VAX1: variants seen among roughly 807,000 people sequenced by gnomAD.
VAX1 encodes ventral anterior homeobox 1.
In VAX1, 6 loss-of-function variants were observed where a neutral mutation model predicts 17.6. The ratio of observed to expected loss-of-function variants is 0.34; its 90% confidence interval spans 0.19 to 0.67. The LOEUF is 0.67. Among genes scored for constraint, VAX1 ranks in the 30% least tolerant of loss-of-function variants. The pLI is 0.69. For synonymous variants in VAX1, 256 were observed against 227.4 expected (o/e 1.13, Z -1.13); for missense variants, 408 against 463.7 (o/e 0.88, Z 1.10).
At position 117,138,109 on chromosome 10, in the gene VAX1, A is replaced by AG. The variant is rs1200556530; in HGVS notation, c.-54_-53insC. The stretch of plus-strand genomic sequence containing the variant: ...GGAAAAAAAAAGCAAAAAAAAAAAA[A>AG]AGGGGGGGGGGCGGAGAAGGAAAAA... On this transcript the variant is annotated 5_prime_UTR_variant, in exon 1 of 3. Coordinates refer to ENST00000369206, the MANE Select transcript of VAX1 (RefSeq NM_001112704.2). 1.2e-4 allele frequency: 21 copies of AG among 171,030 alleles called. No individual in the cohort carries two copies. The highest frequency in any genetic ancestry group is 8.9e-5 in the Non-Finnish European group (9 of 100,684). 10.6% of individuals were successfully genotyped at this position (171,030 alleles called of 1,614,324 possible). A position where few individuals can be genotyped will look rare whatever the true frequency, so the allele number is the denominator to read the frequency against.
chr10:117,136,504 G>T lies in VAX1; in HGVS notation c.397C>A (p.Leu133Ile), dbSNP rs1282134900. 1 of 1,613,726 alleles carries T rather than the reference G, an allele frequency of 6.2e-7. No individual in the cohort carries two copies. The highest frequency in any genetic ancestry group is 8.5e-7 in the Non-Finnish European group (1 of 1,180,020). ...QYVVGRERTE[L>I]ARQLNLSETQ... ...TCGGAGAGGTTAAGCTGCCGGGCGA[G>T]CTCGGTCCTCTCGCGGCCCACCACG... The change falls in exon 2 of 3, where the codon CTC (leucine) becomes ATC (isoleucine). Residue 133 changes from leucine (L) to isoleucine (I), a missense_variant. Transcript: ENST00000369206. The surrounding 1 kb of genome is among the most constrained non-coding windows in gnomAD (Gnocchi z 5.0).
chr10:117,128,900 T>C (rs1033122987), downstream of VAX1: 1 of 152,210 alleles, frequency 6.6e-6, no homozygotes, highest in Non-Finnish European at 1.5e-5. Context: ...GTGGTCCCCA[T>C]TGAGTTTATA....
rs1443317614 is a variant in VAX1 at position 117,138,110 on chromosome 10, A to AGG, written c.-56_-55dup. 2 of 123,466 alleles carry AGG rather than the reference A, an allele frequency of 1.6e-5. No homozygotes were observed. The highest frequency in any genetic ancestry group is 2.5e-4 in the African/African-American group (1 of 3,984). The allele number at this position is 123,466 out of a possible 1,614,324, so 7.6% of individuals were successfully genotyped here. The stretch of plus-strand genomic sequence containing the variant: ...GAAAAAAAAAGCAAAAAAAAAAAAA[A>AGG]GGGGGGGGGGCGGAGAAGGAAAAAA... On this transcript the variant is annotated 5_prime_UTR_variant, in exon 1 of 3. Transcript: ENST00000369206.
In VAX1 at chr10:117,134,616, A is replaced by G; in HGVS notation, c.430-33T>C. ...CCGGGGTGCGGGGAGAGTTGGAGAGAGGGGCAGGGAAGACCAGCGTCAAAG... is the reference window on the plus strand; with the variant it reads ...CCGGGGTGCGGGGAGAGTTGGAGAGGGGGGCAGGGAAGACCAGCGTCAAAG... On this transcript the variant is annotated intron_variant, in intron 2 of 2. Coordinates refer to ENST00000369206, the MANE Select transcript of VAX1 (RefSeq NM_001112704.2). The surrounding 1 kb of genome is among the most constrained non-coding windows in gnomAD (Gnocchi z 6.2). The G allele has an allele frequency of 3.4e-6, 5 of 1,478,420 alleles. No individual in the cohort carries two copies. The highest frequency in any genetic ancestry group is 4.5e-6 in the Non-Finnish European group (5 of 1,116,538). 91.6% of individuals were successfully genotyped at this position (1,478,420 alleles called of 1,614,324 possible). A position where few individuals can be genotyped will look rare whatever the true frequency, so the allele number is the denominator to read the frequency against.
chr10:117,131,444 G>A (rs908525272), downstream of VAX1: 1 of 152,270 alleles, frequency 6.6e-6, no homozygotes, highest in African/African-American at 2.4e-5. Flanking sequence ...AGCAAAAAGC[G>A]GAGCTCAAGG....
Position 117,133,942 on chromosome 10 carries a change from G to A in VAX1, c.*66C>T. 1 of 1,450,564 alleles carries A rather than the reference G, an allele frequency of 6.9e-7. No homozygotes were observed. Among genetic ancestry groups the A allele is most frequent in the South Asian group, 1.5e-5 (1 of 66,920 alleles). 89.9% of individuals were successfully genotyped at this position (1,450,564 alleles called of 1,614,324 possible). ...AGCGCAGGAGCTCTGGGCACCTAAT[G>A]CGCGTGAGTCCATAAATATCACCAC... On this transcript the variant is annotated 3_prime_UTR_variant, in exon 3 of 3. Coordinates refer to ENST00000369206, the MANE Select transcript of VAX1 (RefSeq NM_001112704.2).
Position 117,134,789 on chromosome 10 carries a change from G to C in VAX1, c.430-206C>G, listed in dbSNP as rs1217948702. On this transcript the variant is annotated intron_variant, in intron 2 of 2. Transcript: ENST00000369206. The surrounding 1 kb of genome is among the most constrained non-coding windows in gnomAD (Gnocchi z 6.2). ...GAGGGGGACACAGCTGCTCCACCGGGCTGCGCTTCCGGGTCAGGGAAGCAG... is the reference window on the plus strand; with the variant it reads ...GAGGGGGACACAGCTGCTCCACCGGCCTGCGCTTCCGGGTCAGGGAAGCAG... Among the ~76,000 whole-genome samples, 1 of 152,062 alleles carries C rather than the reference G, an allele frequency of 6.6e-6. No homozygotes were observed. Among genetic ancestry groups the C allele is most frequent in the Non-Finnish European group, 1.5e-5 (1 of 67,998 alleles).
downstream of VAX1, chr10:117,132,252 G>T (rs764558909): frequency 6.2e-7 from 1 of 1,613,972 alleles, no homozygotes. This position sits in a 1 kb window ranked among gnomAD's most constrained non-coding sequence, Gnocchi z 4.9. Context: ...CCCACGCCGA[G>T]ACTCATCATT....
In VAX1 at chr10:117,138,123, G is replaced by GAAGGAAAAAAAAA; in HGVS notation, c.-68_-67insTTTTTTTTTCCTT. The GAAGGAAAAAAAAA allele has an allele frequency of 4.2e-6, 1 of 238,128 alleles. No individual in the cohort carries two copies. The highest frequency in any genetic ancestry group is 2.8e-5 in the South Asian group (1 of 35,296). The allele number at this position is 238,128 out of a possible 1,614,324, so 14.8% of individuals were successfully genotyped here. A position where few individuals can be genotyped will look rare whatever the true frequency, so the allele number is the denominator to read the frequency against. On this transcript the variant is annotated 5_prime_UTR_variant, in exon 1 of 3. Transcript: ENST00000369206. The stretch of plus-strand genomic sequence containing the variant: ...AAAAAAAAAAAAAGGGGGGGGGGCG[G>GAAGGAAAAAAAAA]AGAAGGAAAAAAAAAAGAGGAAAAA...
rs1330023669 is a variant in VAX1, at chr10:117,134,733, G to A, written c.430-150C>T. 3.8e-6 allele frequency: 3 copies of A among 796,960 alleles called. No individual in the cohort carries two copies. The highest frequency in any genetic ancestry group is 5.4e-6 in the Non-Finnish European group (3 of 552,730). 49.4% of individuals were successfully genotyped at this position (796,960 alleles called of 1,614,324 possible). A position where few individuals can be genotyped will look rare whatever the true frequency, so the allele number is the denominator to read the frequency against. ...CCCAGCAGCCGGAGGGGTCCGGGCC[G>A]GGGCGCTGCTGGGGGAGCTGGCGCC... On this transcript the variant is annotated intron_variant, in intron 2 of 2. Coordinates refer to ENST00000369206, the MANE Select transcript of VAX1 (RefSeq NM_001112704.2). The surrounding 1 kb of genome is among the most constrained non-coding windows in gnomAD (Gnocchi z 6.2).
chr10:117,132,404 G>A, downstream of VAX1: 1 of 1,611,024 alleles, frequency 6.2e-7, no homozygotes, highest in South Asian at 1.1e-5. This position sits in a 1 kb window ranked among gnomAD's most constrained non-coding sequence, Gnocchi z 4.9. Flanking sequence ...AAAACATTCA[G>A]AACAAAGTTA....
chr10:117,138,190 G>A lies in VAX1; in HGVS notation c.-134C>T, dbSNP rs931592320. 9 of 1,099,450 alleles carry A rather than the reference G, an allele frequency of 8.2e-6. No individual in the cohort carries two copies. Among genetic ancestry groups the A allele is most frequent in the Admixed American group, 5.3e-5 (2 of 38,020 alleles). 68.1% of individuals were successfully genotyped at this position (1,099,450 alleles called of 1,614,324 possible). The stretch of plus-strand genomic sequence containing the variant: ...ACAACGCGGCCCGTACGCCCGGCCC[G>A]GCGACAGGCAAGGGGCAAGAATGAA... On this transcript the variant is annotated 5_prime_UTR_variant, in exon 1 of 3. Transcript: ENST00000369206.
rs763423212 is a variant in VAX1, at chr10:117,138,083, A to G, written c.-27T>C. 6.0e-6 allele frequency: 5 copies of G among 839,940 alleles called. No homozygotes were observed. Among genetic ancestry groups the G allele is most frequent in the South Asian group, 1.4e-5 (1 of 69,050 alleles). 52.0% of individuals were successfully genotyped at this position (839,940 alleles called of 1,614,324 possible). A position where few individuals can be genotyped will look rare whatever the true frequency, so the allele number is the denominator to read the frequency against. The stretch of plus-strand genomic sequence containing the variant: ...GGCAAGAACAACAACAAAAACAGAA[A>G]GGAAAAAAAAAGCAAAAAAAAAAAA... On this transcript the variant is annotated 5_prime_UTR_variant, in exon 1 of 3. Transcript: ENST00000369206.
Position 117,134,375 on chromosome 10 carries a change from C to T in VAX1, c.638G>A (p.Ser213Asn). 1.6e-6 allele frequency: 2 copies of T among 1,245,090 alleles called. No homozygotes were observed. The highest frequency in any genetic ancestry group is 2.0e-6 in the Non-Finnish European group (2 of 994,652). The allele number at this position is 1,245,090 out of a possible 1,614,324, so 77.1% of individuals were successfully genotyped here. ...GALGSALRGP[S>N]LPALGAGAAA... ...GGCGCCCGCGCCCAGGGCCGGCAAG[C>T]TGGGCCCGCGCAGCGCTGAGCCGAG... The change falls in exon 3 of 3, where the codon AGC becomes AAC. Residue 213 changes from serine to asparagine, a missense_variant. Coordinates refer to ENST00000369206, the MANE Select transcript of VAX1 (RefSeq NM_001112704.2). The surrounding 1 kb of genome is among the most constrained non-coding windows in gnomAD (Gnocchi z 6.2).
Position 117,133,922 on chromosome 10 carries a change from A to C in VAX1, c.*86T>G, listed in dbSNP as rs1275884661. The C allele has an allele frequency of 7.0e-7, 1 of 1,432,220 alleles. No homozygotes were observed. Among genetic ancestry groups the C allele is most frequent in the Non-Finnish European group, 9.1e-7 (1 of 1,099,964 alleles). The allele number at this position is 1,432,220 out of a possible 1,614,324, so 88.7% of individuals were successfully genotyped here. A position where few individuals can be genotyped will look rare whatever the true frequency, so the allele number is the denominator to read the frequency against. ...CTGGTGGGAGCCAGGAGCCCAGCGC[A>C]GGAGCTCTGGGCACCTAATGCGCGT... On this transcript the variant is annotated 3_prime_UTR_variant, in exon 3 of 3. Coordinates refer to ENST00000369206, the MANE Select transcript of VAX1 (RefSeq NM_001112704.2).
chr10:117,130,850 T>G (rs1354100491), downstream of VAX1: 2 of 152,500 alleles, frequency 1.3e-5, no homozygotes, highest in African/African-American at 2.4e-5. Flanking sequence ...GCAGAAGTTA[T>G]GAGGTGACTT....
At position 117,137,468 on chromosome 10, in the gene VAX1, C is replaced by T. The variant is rs1003163539; in HGVS notation, c.241+348G>A. Among the ~76,000 whole-genome samples the T allele has an allele frequency of 1.3e-5, 2 of 152,240 alleles. No homozygotes were observed. The highest frequency in any genetic ancestry group is 6.5e-5 in the Admixed American group (1 of 15,290). On this transcript the variant is annotated intron_variant, in intron 1 of 2. Coordinates refer to ENST00000369206, the MANE Select transcript of VAX1 (RefSeq NM_001112704.2). The surrounding 1 kb of genome is among the most constrained non-coding windows in gnomAD (Gnocchi z 7.4). ...CGGGAGTCCCCTGGCCGGCTCCCGG[C>T]AGGTCGTCCGGCCCTTGGAGCGCGC...
Position 117,134,915 on chromosome 10 carries a change from C to A in VAX1, c.430-332G>T, listed in dbSNP as rs1854152596. Among the ~76,000 whole-genome samples, 1 of 152,188 alleles carries A rather than the reference C, an allele frequency of 6.6e-6. No homozygotes were observed. On this transcript the variant is annotated intron_variant, in intron 2 of 2. Coordinates refer to ENST00000369206, the MANE Select transcript of VAX1 (RefSeq NM_001112704.2). The surrounding 1 kb of genome is among the most constrained non-coding windows in gnomAD (Gnocchi z 6.2). ...GGTTTCACTGGCTTCCGCGCTACCC[C>A]GCAGCGGTGTTTGGGGCTCACAGAT...
intron 2 of VAX1, among the ~76,000 whole-genome samples, chr10:117,135,202 G>C (rs185207172): frequency 2.0e-5 from 3 of 152,254 alleles, no homozygotes; most frequent in African/African-American, 4.8e-5. Flanking sequence ...AGCAGGGAAA[G>C]TGGCTGCAGG....
Sources: allele counts gnomAD v4.1 joint callset (sites outside exome capture counted in the v4.1 genomes callset), GRCh38; gene constraint gnomAD v4.1.1; non-coding constraint Gnocchi (gnomAD v3.1); transcripts MANE v1.5; gene names NCBI Gene and HGNC (gene_info 2026-07-23, HGNC 2026-07-21).